AKT3: variants seen among roughly 807,000 people sequenced by gnomAD.
AKT3 encodes AKT serine/threonine kinase 3.
In AKT3, 15 loss-of-function variants were observed where a neutral mutation model predicts 65.3. That is an observed-to-expected ratio of 0.23 (90% confidence interval 0.15 to 0.35). The LOEUF (loss-of-function observed/expected upper bound fraction) is 0.35. Among genes scored for constraint, AKT3 ranks in the 10% least tolerant of loss-of-function variants. The pLI, the probability that AKT3 is intolerant of heterozygous loss-of-function variation, is 1.00. For missense variants in AKT3, 243 were observed against 576.5 expected, an observed-to-expected ratio of 0.42 and a Z score of 5.92; for synonymous variants, 206 against 183.8, an observed-to-expected ratio of 1.12 and a Z score of -0.98.
chr1:243,752,684 T>C (rs1049623363), intron 2 of AKT3, among the ~76,000 whole-genome samples: 2 of 152,240 alleles, frequency 1.3e-5, no homozygotes, highest in African/African-American at 4.8e-5. Flanking sequence ...CCTTGGTTTA[T>C]AAGTGGTGTG....
At chr1:243,669,196 C>A (rs1325114054) in intron 3 of AKT3, among the ~76,000 whole-genome samples, 2 of 152,108 alleles carry the variant, frequency 1.3e-5, no homozygotes, top group Non-Finnish European at 2.9e-5. Context: ...AATTCACTAG[C>A]TATATTACTT....
At chr1:243,716,451 A>G (rs1171648780) in intron 2 of AKT3, among the ~76,000 whole-genome samples, 1 of 152,212 alleles carries the variant, frequency 6.6e-6, no homozygotes, top group Non-Finnish European at 1.5e-5. Flanking sequence ...GCAAATATTA[A>G]GTCAAAGACT....
intron 6 of AKT3, among the ~76,000 whole-genome samples, chr1:243,621,640 A>C (rs1455375384): frequency 1.3e-5 from 2 of 152,234 alleles, no homozygotes; most frequent in Admixed American, 6.5e-5. Flanking sequence ...ATGTATAATC[A>C]GTGACATAAA....
intron 2 of AKT3, among the ~76,000 whole-genome samples, chr1:243,698,431 AT>A (rs1210270594): frequency 2.2e-4 from 34 of 152,176 alleles, no homozygotes; most frequent in Middle Eastern, 7.0e-3. Context: ...AAGAAATCAA[AT>A]TTTCATTTCT....
At chr1:243,843,524 A>G (rs1481774751) in intron 1 of AKT3, 13 of 1,080,768 alleles carry the variant, frequency 1.2e-5, no homozygotes, top group South Asian at 4.5e-5. Flanking sequence ...AAAAGTCTTA[A>G]GAAAACCAGT....
At chr1:243,583,546 AAAAAAAAAAAG>A (rs200948974) in intron 8 of AKT3, among the ~76,000 whole-genome samples, 56,911 of 130,910 alleles carry the variant, frequency 0.43, 14,362 homozygotes, top group Non-Finnish European at 0.61. Context: ...GTCTCAAAAA[AAAAAAAAAAAG>A]AAAAAAAAAA....
intron 2 of AKT3, among the ~76,000 whole-genome samples, chr1:243,733,377 T>A (rs1348162051): frequency 6.6e-6 from 1 of 152,276 alleles, no homozygotes; most frequent in African/African-American, 2.4e-5. Context: ...ATTCTAAAAG[T>A]CTATCAATTA....
At chr1:243,497,393 G>A (rs1668266704), downstream of AKT3, among the ~76,000 whole-genome samples, 1 of 151,608 alleles carries the variant, frequency 6.6e-6, no homozygotes. Context: ...AAGTGGGGAT[G>A]GATATGGGGC....
chr1:243,649,726 C>T (rs1324394261), intron 4 of AKT3, among the ~76,000 whole-genome samples: 3 of 152,090 alleles, frequency 2.0e-5, no homozygotes, highest in Non-Finnish European at 2.9e-5. Context: ...ATCCATGTGC[C>T]TGCAAAGGAC....
At chr1:243,589,689 T>C (rs1479378162) in intron 8 of AKT3, among the ~76,000 whole-genome samples, 1 of 152,186 alleles carries the variant, frequency 6.6e-6, no homozygotes, top group Non-Finnish European at 1.5e-5. Context: ...TAGGTATATA[T>C]ATCTATCTGA....
At chr1:243,583,226 T>C (rs193222103) in intron 8 of AKT3, among the ~76,000 whole-genome samples, 170 of 144,052 alleles carry the variant, frequency 1.2e-3, no homozygotes, top group African/African-American at 4.2e-3. Context: ...ATATCTTCCA[T>C]ATATATATCT....
chr1:243,805,602 C>A (rs566357982), intron 2 of AKT3, among the ~76,000 whole-genome samples: 2 of 152,220 alleles, frequency 1.3e-5, no homozygotes, highest in African/African-American at 2.4e-5. Context: ...CATGATATTT[C>A]TTTTATTGTC....
At chr1:243,737,732 G>C (rs1687925518) in intron 2 of AKT3, among the ~76,000 whole-genome samples, 1 of 152,116 alleles carries the variant, frequency 6.6e-6, no homozygotes, top group Admixed American at 6.5e-5. Flanking sequence ...AATCCACAGG[G>C]AGAAGTCATT....
intron 2 of AKT3, among the ~76,000 whole-genome samples, chr1:243,776,765 G>C (rs1690578640): frequency 6.6e-6 from 1 of 152,168 alleles, no homozygotes; most frequent in South Asian, 2.1e-4. Flanking sequence ...CTTTTAACCA[G>C]TACTGTTCCG....
intron 8 of AKT3, among the ~76,000 whole-genome samples, chr1:243,603,663 A>T (rs138738571): frequency 1.5e-4 from 22 of 151,108 alleles, no homozygotes; most frequent in African/African-American, 4.9e-4. Context: ...AACTCTCCCC[A>T]CTCCTTGGCT....
At chr1:243,694,297 T>C (rs1040348414) in intron 3 of AKT3, among the ~76,000 whole-genome samples, 1 of 152,146 alleles carries the variant, frequency 6.6e-6, no homozygotes, top group African/African-American at 2.4e-5. Context: ...AAATGTTCAC[T>C]CAAAAAGTCT....
At chr1:243,651,825 T>TGA (rs1211284363) in intron 4 of AKT3, among the ~76,000 whole-genome samples, 2 of 152,146 alleles carry the variant, frequency 1.3e-5, no homozygotes, top group Non-Finnish European at 2.9e-5. Context: ...TTTGCATAGA[T>TGA]GTTCATCAGG....
At chr1:243,767,946 A>C (rs1030377761) in intron 2 of AKT3, among the ~76,000 whole-genome samples, 2 of 151,972 alleles carry the variant, frequency 1.3e-5, no homozygotes, top group Non-Finnish European at 1.5e-5. Flanking sequence ...AAAACGGTAA[A>C]ATTTCCATAG....
chr1:243,640,402 C>A (rs1254169871), intron 5 of AKT3, among the ~76,000 whole-genome samples: 1 of 152,178 alleles, frequency 6.6e-6, no homozygotes, highest in African/African-American at 2.4e-5. Flanking sequence ...AGTCAACTTT[C>A]TCTCTCCCCG....
Sources: allele counts gnomAD v4.1 joint callset (sites outside exome capture counted in the v4.1 genomes callset), GRCh38; gene constraint gnomAD v4.1.1; transcripts MANE v1.5; gene names NCBI Gene and HGNC (gene_info 2026-07-23, HGNC 2026-07-21).